Variants in MAGI2 observed in about 807,000 individuals in gnomAD.
MAGI2 encodes the protein membrane associated guanylate kinase, WW and PDZ domain containing 2, also known as membrane-associated guanylate kinase, WW and PDZ domain-containing protein 2.
Under a neutral mutation model 133.3 loss-of-function variants are expected in MAGI2, and 35 were observed. That is an observed-to-expected ratio of 0.26 (90% CI 0.20 to 0.35). The LOEUF (loss-of-function observed/expected upper bound fraction) is 0.35, where lower values mean the gene tolerates loss of function less well. Among genes scored for constraint, MAGI2 ranks in the 10% least tolerant of loss-of-function variants. MAGI2 has a pLI of 1.00. For synonymous variants in MAGI2, 729 were observed against 710.6 expected, an observed-to-expected ratio of 1.03 and a Z score of -0.41; for missense variants, 1,636 against 1,863.4, an observed-to-expected ratio of 0.88 and a Z score of 2.25.
intron 7 of MAGI2, among the ~76,000 whole-genome samples, chr7:78,366,115 A>C (rs9640699): frequency 0.58 from 87,436 of 151,998 alleles, 25,648 homozygotes; most frequent in Middle Eastern, 0.67. Flanking sequence ...AAACATAAGA[A>C]TGATAGCTGT....
chr7:78,863,922 A>G (rs549700087), intron 2 of MAGI2, among the ~76,000 whole-genome samples: 10 of 152,344 alleles, frequency 6.6e-5, no homozygotes, highest in African/African-American at 2.4e-4. Context: ...CAATCATTGA[A>G]GAACAGCTTG....
chr7:78,499,131 G>T (rs1428257275), intron 5 of MAGI2, among the ~76,000 whole-genome samples: 2 of 152,074 alleles, frequency 1.3e-5, no homozygotes, highest in Admixed American at 6.5e-5. Context: ...TAATGATCCA[G>T]TGAAACGAAA....
At chr7:79,150,975 C>T (rs1240393473) in intron 1 of MAGI2, among the ~76,000 whole-genome samples, 24 of 151,968 alleles carry the variant, frequency 1.6e-4, no homozygotes, top group Admixed American at 1.6e-3. Flanking sequence ...TTAAACTGGG[C>T]TCACAGCGTT....
At chr7:78,649,910 A>T (rs1187174679) in intron 2 of MAGI2, among the ~76,000 whole-genome samples, 1 of 152,182 alleles carries the variant, frequency 6.6e-6, no homozygotes, top group Admixed American at 6.5e-5. Flanking sequence ...GCTTTACCCC[A>T]AGGCTTCTTG....
At chr7:79,212,415 C>CCT (rs1041093426) in intron 1 of MAGI2, among the ~76,000 whole-genome samples, 3 of 152,102 alleles carry the variant, frequency 2.0e-5, no homozygotes, top group Admixed American at 6.6e-5. Flanking sequence ...TTAAAAGATA[C>CCT]TGCAAAATAA....
chr7:78,806,143 T>C (rs1043347704), intron 2 of MAGI2, among the ~76,000 whole-genome samples: 1 of 152,156 alleles, frequency 6.6e-6, no homozygotes, highest in African/African-American at 2.4e-5. Flanking sequence ...GCAGTATAAG[T>C]GATACTGCTT....
intron 10 of MAGI2, among the ~76,000 whole-genome samples, chr7:78,234,916 A>G (rs1387603888): frequency 2.0e-5 from 3 of 152,164 alleles, no homozygotes; most frequent in South Asian, 2.1e-4. Context: ...TGACAAGCAT[A>G]ATTTCTAAAA....
At chr7:78,027,795 G>A (rs1479492247) in intron 21 of MAGI2, among the ~76,000 whole-genome samples, 1 of 152,148 alleles carries the variant, frequency 6.6e-6, no homozygotes, top group Non-Finnish European at 1.5e-5. Flanking sequence ...AGATACTGGA[G>A]ACACTGAGTC....
intron 2 of MAGI2, among the ~76,000 whole-genome samples, chr7:78,933,855 C>T (rs1800320338): frequency 1.3e-5 from 2 of 152,050 alleles, no homozygotes; most frequent in Non-Finnish European, 2.9e-5. Context: ...CTGGAGAAAA[C>T]ATTTTAAAAA....
At chr7:78,285,378 A>G (rs886833399) in intron 9 of MAGI2, among the ~76,000 whole-genome samples, 13 of 152,112 alleles carry the variant, frequency 8.5e-5, no homozygotes, top group African/African-American at 2.9e-4. Context: ...AAACAATTCA[A>G]TTTTTTGAAT....
At chr7:78,455,919 A>G (rs1309229948) in intron 6 of MAGI2, among the ~76,000 whole-genome samples, 2 of 151,860 alleles carry the variant, frequency 1.3e-5, no homozygotes, top group Non-Finnish European at 2.9e-5. Flanking sequence ...GTTTTTTCCC[A>G]TTTCAATCAC....
intron 1 of MAGI2, among the ~76,000 whole-genome samples, chr7:79,061,304 A>C (rs1049168954): frequency 6.6e-6 from 1 of 151,974 alleles, no homozygotes; most frequent in Non-Finnish European, 1.5e-5. Context: ...TAGAAAAAAA[A>C]AAAGCCTTTT....
At chr7:78,368,672 G>C (rs2151259687) in intron 7 of MAGI2, among the ~76,000 whole-genome samples, 1 of 151,944 alleles carries the variant, frequency 6.6e-6, no homozygotes, top group African/African-American at 2.4e-5. Flanking sequence ...ACCTCCAATA[G>C]GTAACATAAA....
intron 1 of MAGI2, among the ~76,000 whole-genome samples, chr7:79,158,755 A>G (rs1824064428): frequency 6.6e-6 from 1 of 152,058 alleles, no homozygotes; most frequent in Non-Finnish European, 1.5e-5. Context: ...AATATTTGCT[A>G]TCATTGTTTT....
intron 4 of MAGI2, among the ~76,000 whole-genome samples, chr7:78,512,498 C>T (rs1359369292): frequency 6.6e-6 from 1 of 152,118 alleles, no homozygotes; most frequent in Non-Finnish European, 1.5e-5. Context: ...CTCCGCCTCC[C>T]GGGTTCAAGC....
intron 9 of MAGI2, among the ~76,000 whole-genome samples, chr7:78,273,239 T>C (rs1794754525): frequency 6.6e-6 from 1 of 152,202 alleles, no homozygotes; most frequent in Non-Finnish European, 1.5e-5. Context: ...GGTTGAAAAT[T>C]CTTTAAGAAT....
Position 78,019,972 on chromosome 7 carries a change from T to A in MAGI2, c.3711A>T (p.Glu1237Asp), listed in dbSNP as rs1288281470. Residue 1237 changes from glutamate (E) to aspartate (D), a missense_variant, in exon 22 of 22, where the codon GAA (glutamate) becomes GAT (aspartate). Physicochemically the swap from Glu to Asp is conservative, Grantham distance 45. This residue lies in a region of MAGI2 where 354 missense variants were observed against 298.7 expected (regional missense o/e 1.19). Coordinates refer to ENST00000354212, the MANE Select transcript of MAGI2 (RefSeq NM_012301.4). ...CAGCGGGAGAACTCCAGGGGGCGGGTTCGTCTGTGGACGGGAAGCACAGGC... is the reference window on the plus strand; with the variant it reads ...CAGCGGGAGAACTCCAGGGGGCGGGATCGTCTGTGGACGGGAAGCACAGGC... ...RGTGQVPEYDEPAPWSSPAAA... is the reference protein window; with the variant it reads ...RGTGQVPEYDDPAPWSSPAAA... 2.5e-6 allele frequency: 4 copies of A among 1,604,296 alleles called. No individual in the cohort carries two copies. Among genetic ancestry groups the A allele is most frequent in the Middle Eastern group, 3.5e-4 (2 of 5,796 alleles).
At chr7:78,658,545 T>A (rs966939761) in intron 2 of MAGI2, among the ~76,000 whole-genome samples, 6 of 152,124 alleles carry the variant, frequency 3.9e-5, no homozygotes, top group African/African-American at 1.4e-4. Context: ...AAATACGGCC[T>A]GGGAAAAAAT....
chr7:78,985,162 C>T (rs1488884847), intron 2 of MAGI2, among the ~76,000 whole-genome samples: 1 of 151,810 alleles, frequency 6.6e-6, no homozygotes, highest in East Asian at 1.9e-4. Context: ...CCACCATGCC[C>T]AGACATATAT....
Sources: allele counts gnomAD v4.1 joint callset (sites outside exome capture counted in the v4.1 genomes callset), GRCh38; gene constraint gnomAD v4.1.1; regional missense constraint gnomAD v4.1.1; transcripts MANE v1.5; gene names NCBI Gene and HGNC (gene_info 2026-07-23, HGNC 2026-07-21).